The following P2RX1 variants were observed in gnomAD, a reference collection of about 807,000 sequenced individuals.
P2RX1 encodes purinergic receptor P2X 1.
In P2RX1, 42 loss-of-function variants were observed where a neutral mutation model predicts 50.3. That is an observed-to-expected ratio of 0.83 (90% CI 0.65 to 1.08). P2RX1 has a LOEUF of 1.08. Among genes scored for constraint, P2RX1 ranks in the 50% least tolerant of loss-of-function variants. P2RX1 has a pLI of 0.00. For synonymous variants in P2RX1, 199 were observed against 202.6 expected, an observed-to-expected ratio of 0.98 and a Z score of 0.15; for missense variants, 449 against 529.0, an observed-to-expected ratio of 0.85 and a Z score of 1.48.
chr17:3,903,480 CAG>C lies in P2RX1; in HGVS notation c.605+69_605+70del. The C allele has an allele frequency of 6.3e-7, 1 of 1,594,280 alleles. No individual in the cohort carries two copies. The highest frequency in any genetic ancestry group is 1.1e-5 in the South Asian group (1 of 90,456). ...CCACGCCAGCAGGAATGGAGGGAGA[CAG>C]AGACAGCTGAGAGCTGCCGGAGCGG... On this transcript the variant is annotated intron_variant, in intron 6 of 11. Transcript: ENST00000225538. The surrounding 1 kb of genome is among the most constrained non-coding windows in gnomAD (Gnocchi z 4.6).
intron 1 of P2RX1, 123 bp downstream of exon 1, chr17:3,915,966 G>T: frequency 8.6e-7 from 1 of 1,168,664 alleles, no homozygotes; most frequent in Non-Finnish European, 1.2e-6. Flanking sequence ...TGGCTTGCCA[G>T]GAAGGCCTTC....
At chr17:3,904,747 G>A (rs1461463137) in intron 3 of P2RX1, 111 bp downstream of exon 3, 2 of 817,200 alleles carry the variant, frequency 2.4e-6, no homozygotes, top group East Asian at 5.3e-5. Flanking sequence ...CATCACTATG[G>A]CCCCTGCAGG....
At chr17:3,901,129 A>C (rs3890966) in intron 7 of P2RX1, among the ~76,000 whole-genome samples, 1 of 151,818 alleles carries the variant, frequency 6.6e-6, no homozygotes, top group Admixed American at 6.6e-5. Context: ...GTGCAGTGGC[A>C]CGATCTCGGC....
chr17:3,905,801 C>T (rs1390701638), intron 1 of P2RX1, among the ~76,000 whole-genome samples: 4 of 145,434 alleles, frequency 2.8e-5, no homozygotes, highest in Admixed American at 2.1e-4. Context: ...GAGCCGAGAT[C>T]GCGCTATTGC....
rs761892731 is a variant in P2RX1 at position 3,898,525 on chromosome 17, T to C, written c.991A>G (p.Thr331Ala). ...GKAGKFDIIP[T>A]MTTIGSGIGI... ...ATTCCAGAGCCGATGGTGGTCATTG[T>C]AGGGATGATGTCAAACTTCCCGGCC... The change falls in exon 10 of 12, where the codon ACA (threonine) becomes GCA (alanine). Residue 331 changes from threonine to alanine, a missense_variant. By Grantham distance (58) the Thr-to-Ala change is moderately conservative. Transcript: ENST00000225538. 2.5e-5 allele frequency: 41 copies of C among 1,613,822 alleles called. 1 individual carries two copies. The highest frequency in any genetic ancestry group is 3.5e-5 in the Non-Finnish European group (41 of 1,179,898).
intron 8 of P2RX1, among the ~76,000 whole-genome samples, chr17:3,899,405 A>C (rs535444993): frequency 5.1e-4 from 77 of 150,124 alleles, no homozygotes; most frequent in South Asian, 3.0e-3. Context: ...TTCCCCAGCT[A>C]GTCCTGGCCA....
rs752020463 is a variant in P2RX1 at position 3,915,959 on chromosome 17, CTTGCCAG to C, written c.137+123_137+129del. Reference sequence around the variant, plus strand: ...AGGATTTTCTATTCTCGCACAGTGGCTTGCCAGGAAGGCCTTCCCCTGGATGGAGAGG... The same window carrying C: ...AGGATTTTCTATTCTCGCACAGTGGCGAAGGCCTTCCCCTGGATGGAGAGG... On this transcript the variant is annotated intron_variant, in intron 1 of 11. Transcript: ENST00000225538. The C allele has an allele frequency of 4.4e-5, 49 of 1,103,244 alleles. No individual in the cohort carries two copies. In the Admixed American group the frequency reaches 9.5e-4, roughly 21 times the overall value. The allele number at this position is 1,103,244 out of a possible 1,614,324, so 68.3% of individuals were successfully genotyped here.
chr17:3,898,847 G>A lies in P2RX1; in HGVS notation c.966+87C>T, dbSNP rs556573573. ...TGCTGGATGAACCCACCCAACTTCC[G>A]GTTGTCTATAACTGTAGATGCCCAA... On this transcript the variant is annotated intron_variant, in intron 9 of 11. Coordinates refer to ENST00000225538, the MANE Select transcript of P2RX1 (RefSeq NM_002558.4). The A allele has an allele frequency of 1.0e-4, 111 of 1,084,710 alleles. 1 individual carries two copies. Among genetic ancestry groups the A allele is most frequent in the East Asian group, 7.5e-4 (32 of 42,518 alleles). 67.2% of individuals were successfully genotyped at this position (1,084,710 alleles called of 1,614,324 possible). A position where few individuals can be genotyped will look rare whatever the true frequency, so the allele number is the denominator to read the frequency against.
chr17:3,901,682 T>G (rs2056148916), intron 7 of P2RX1, among the ~76,000 whole-genome samples: 1 of 152,166 alleles, frequency 6.6e-6, no homozygotes, highest in South Asian at 2.1e-4. Context: ...GAAAAGGGAT[T>G]GATTTCGTTC....
At chr17:3,912,286 T>C (rs2056378842) in intron 1 of P2RX1, among the ~76,000 whole-genome samples, 1 of 152,194 alleles carries the variant, frequency 6.6e-6, no homozygotes, top group Non-Finnish European at 1.5e-5. Flanking sequence ...AACCACCGGA[T>C]ACCCCCACCT....
chr17:3,898,052 T>G lies in P2RX1; in HGVS notation c.1091A>C (p.Lys364Thr), dbSNP rs1354483492. 15 of 1,613,036 alleles carry G rather than the reference T, an allele frequency of 9.3e-6. No individual in the cohort carries two copies. In the Admixed American group the frequency reaches 2.5e-4, roughly 27 times the overall value. The change falls in exon 11 of 12, where the codon AAG becomes ACG. Residue 364 changes from lysine (K) to threonine (T), a missense_variant. Transcript: ENST00000225538. ...LHILPKRHYY[K>T]QKKFKYAEDM... is the part of the protein sequence containing the mutation. The stretch of plus-strand genomic sequence containing the variant: ...CTCAGCGTATTTGAACTTCTTCTGC[T>G]TGTAGTAGTGCCTCTTAGGCAGGAT...
In P2RX1 at chr17:3,898,262, G is replaced by A. The variant is rs1007124654; in HGVS notation, c.1033-152C>T. 52 of 782,962 alleles carry A rather than the reference G, an allele frequency of 6.6e-5. 1 individual carries two copies. The African/African-American group carries it at 8.4e-4, about 13-fold the overall frequency. The allele number at this position is 782,962 out of a possible 1,614,324, so 48.5% of individuals were successfully genotyped here. Reference sequence around the variant, plus strand: ...CTGGAGGGTGGATGAGGCCCTGCAGGACTCTCAGGGGACCAAGATGGTTCC... The same window carrying A: ...CTGGAGGGTGGATGAGGCCCTGCAGAACTCTCAGGGGACCAAGATGGTTCC... On this transcript the variant is annotated intron_variant, in intron 10 of 11. Transcript: ENST00000225538.
Position 3,904,015 on chromosome 17 carries a change from G to A in P2RX1, c.437C>T (p.Thr146Met), listed in dbSNP as rs758079270. ...GTCGTTGAAGGCCACACACTTGCCC[G>A]TGCGGATGCCTGGAGCCAGAGGGAA... ...KAKRKAQGIRTGKCVAFNDTV... is the reference protein window; with the variant it reads ...KAKRKAQGIRMGKCVAFNDTV... Residue 146 changes from threonine (T) to methionine (M), a missense_variant, in exon 5 of 12, where the codon ACG (threonine) becomes ATG (methionine). Physicochemically the swap from Thr to Met is moderately conservative, Grantham distance 81 (BLOSUM62 -1). Transcript: ENST00000225538. 46 of 1,613,734 alleles carry A rather than the reference G, an allele frequency of 2.9e-5. No homozygotes were observed. Among genetic ancestry groups the A allele is most frequent in the Admixed American group, 3.3e-5 (2 of 59,996 alleles).
Position 3,903,733 on chromosome 17 carries a change from C to T in P2RX1, c.525-102G>A, listed in dbSNP as rs1178818057. 1.8e-5 allele frequency: 24 copies of T among 1,318,800 alleles called. No individual in the cohort carries two copies. In the Admixed American group the frequency reaches 2.1e-4, roughly 11 times the overall value. 81.7% of individuals were successfully genotyped at this position (1,318,800 alleles called of 1,614,324 possible). On this transcript the variant is annotated intron_variant, in intron 5 of 11. Coordinates refer to ENST00000225538, the MANE Select transcript of P2RX1 (RefSeq NM_002558.4). This position sits in a 1 kb window ranked among gnomAD's most constrained non-coding sequence, Gnocchi z 4.6. ...GGGGGTGGGCCGAGCCTCCGGGACC[C>T]GCCTGCAGCCCTGGGCTGGTGGAGG...
intron 1 of P2RX1, among the ~76,000 whole-genome samples, chr17:3,913,858 C>CT (rs1567659431): frequency 2.6e-5 from 2 of 78,218 alleles, no homozygotes; most frequent in South Asian, 1.7e-3. Context: ...TGAGTGCACT[C>CT]TTGGGGGGGG....
At position 3,916,309 on chromosome 17, in the gene P2RX1, G is replaced by C. The variant is rs1275424138; in HGVS notation, c.-84C>G. The C allele has an allele frequency of 3.3e-6, 5 of 1,493,346 alleles. No homozygotes were observed. Among genetic ancestry groups the C allele is most frequent in the Non-Finnish European group, 4.6e-6 (5 of 1,090,126 alleles). 92.5% of individuals were successfully genotyped at this position (1,493,346 alleles called of 1,614,324 possible). On this transcript the variant is annotated 5_prime_UTR_variant, in exon 1 of 12. Coordinates refer to ENST00000225538, the MANE Select transcript of P2RX1 (RefSeq NM_002558.4). ...GCCGGGTGCCACCACCCACGTCGAT[G>C]GTAGAGCTTCTGGGGGCTTCCTGGC...
At chr17:3,906,595 G>C (rs2056269201) in intron 1 of P2RX1, among the ~76,000 whole-genome samples, 1 of 152,234 alleles carries the variant, frequency 6.6e-6, no homozygotes, top group Admixed American at 6.5e-5. Flanking sequence ...GCAGGGAGGT[G>C]GTCCTCTGGA....
In P2RX1 at chr17:3,898,672, A is replaced by G. The variant is rs1746876597; in HGVS notation, c.967-123T>C. On this transcript the variant is annotated intron_variant, in intron 9 of 11. Transcript: ENST00000225538. ...GTGAACTGTCCCCACCTCGGACTCTACATGGGCCACCAGCTGCTGGTCAGT... is the reference window on the plus strand; with the variant it reads ...GTGAACTGTCCCCACCTCGGACTCTGCATGGGCCACCAGCTGCTGGTCAGT... 7 of 788,868 alleles carry G rather than the reference A, an allele frequency of 8.9e-6. No individual in the cohort carries two copies. The East Asian group carries it at 1.6e-4, about 18-fold the overall frequency. The allele number at this position is 788,868 out of a possible 1,614,324, so 48.9% of individuals were successfully genotyped here.
rs563936957 is a variant in P2RX1 at position 3,900,036 on chromosome 17, G to T, written c.748-275C>A. On this transcript the variant is annotated intron_variant, in intron 7 of 11. Transcript: ENST00000225538. ...GAATCACTTGAACCTGGGAGGCGGA[G>T]GTTGCAGTGAGCCGAGATCCCACCA... Among the ~76,000 whole-genome samples, 21 of 151,986 alleles carry T rather than the reference G, an allele frequency of 1.4e-4. No individual in the cohort carries two copies. In the South Asian group the frequency reaches 1.9e-3, roughly 14 times the overall value.
Sources: allele counts gnomAD v4.1 joint callset (sites outside exome capture counted in the v4.1 genomes callset), GRCh38; gene constraint gnomAD v4.1.1; non-coding constraint Gnocchi (gnomAD v3.1); transcripts MANE v1.5; gene names NCBI Gene and HGNC (gene_info 2026-07-23, HGNC 2026-07-21).